The following CXCL13 variants were observed in gnomAD, a reference collection of about 807,000 sequenced individuals.
CXCL13 encodes the protein C-X-C motif chemokine ligand 13.
In CXCL13, 7 loss-of-function variants were observed where a neutral mutation model predicts 12.2. That is an observed-to-expected ratio of 0.57 (90% CI 0.33 to 1.07). The LOEUF is 1.07. CXCL13 is among the 50% of genes least tolerant of loss of function. The pLI is 0.04. For synonymous variants in CXCL13, 47 were observed against 42.4 expected, an observed-to-expected ratio of 1.11 and a Z score of -0.42; for missense variants, 113 against 127.4, an observed-to-expected ratio of 0.89 and a Z score of 0.55.
At position 77,559,037 on chromosome 4, in the gene CXCL13, A is replaced by G. The variant is rs187467068; in HGVS notation, c.-42-46787A>G. ...TATTTCTCCAATGTCAGATATCAGC[A>G]TTTTCTTCCACCAGTATACCATCCA... is the stretch of plus-strand genomic sequence containing the variant. On this transcript the variant is annotated intron_variant, in intron 1 of 4. Transcript: ENST00000286758. Among the ~76,000 whole-genome samples, 268 of 152,278 alleles carry G rather than the reference A, an allele frequency of 1.8e-3. 2 individuals are homozygous for G. The highest frequency in any genetic ancestry group is 6.1e-3 in the African/African-American group (254 of 41,566).
At chr4:77,513,168 A>G (rs2110075994) in intron 1 of CXCL13, among the ~76,000 whole-genome samples, 1 of 151,838 alleles carries the variant, frequency 6.6e-6, no homozygotes, top group African/African-American at 2.4e-5. Flanking sequence ...TATGTGCCAC[A>G]TTTTCTTAAT....
chr4:77,521,438 G>T (rs1006956387), intron 1 of CXCL13, among the ~76,000 whole-genome samples: 2 of 152,102 alleles, frequency 1.3e-5, no homozygotes, highest in Non-Finnish European at 2.9e-5. Context: ...TCCTGGTTTA[G>T]TCTTGGGAGG....
intron 1 of CXCL13, among the ~76,000 whole-genome samples, chr4:77,598,121 G>A (rs1408946253): frequency 6.6e-6 from 1 of 152,216 alleles, no homozygotes; most frequent in Non-Finnish European, 1.5e-5. Flanking sequence ...GACCAGGCTT[G>A]CCTGTCTTGA....
In CXCL13 at chr4:77,549,753, G is replaced by A. The variant is rs929772874; in HGVS notation, c.-43+37965G>A. The stretch of plus-strand genomic sequence containing the variant: ...ACCCAGCTGTATGAGGTGTCAGTCA[G>A]TCCCTACTGGGAGATGTCTCCCAGT... On this transcript the variant is annotated intron_variant, in intron 1 of 4. Transcript: ENST00000286758. Among the ~76,000 whole-genome samples the A allele has an allele frequency of 4.6e-5, 7 of 152,202 alleles. No individual in the cohort carries two copies. The East Asian group carries it at 5.8e-4, about 13-fold the overall frequency.
intron 3 of CXCL13, 87 bp from the exon 4 acceptor site, chr4:77,610,901 A>G: frequency 8.4e-7 from 1 of 1,195,058 alleles, no homozygotes; most frequent in Non-Finnish European, 1.2e-6. Flanking sequence ...TATACATAAG[A>G]GTCCTTGCCC....
At chr4:77,588,390 G>C (rs1248696789) in intron 1 of CXCL13, among the ~76,000 whole-genome samples, 1 of 152,164 alleles carries the variant, frequency 6.6e-6, no homozygotes, top group Non-Finnish European at 1.5e-5. Context: ...CTGACCCCCA[G>C]GGATTCAGGT....
chr4:77,551,441 A>G (rs183795570), intron 1 of CXCL13, among the ~76,000 whole-genome samples: 124 of 152,332 alleles, frequency 8.1e-4, no homozygotes, highest in African/African-American at 2.8e-3. Context: ...AATCCTGAAA[A>G]TAGGCCACCA....
At chr4:77,552,791 A>G (rs1052712093) in intron 1 of CXCL13, among the ~76,000 whole-genome samples, 1 of 152,250 alleles carries the variant, frequency 6.6e-6, no homozygotes, top group Non-Finnish European at 1.5e-5. Context: ...AACAGAGTGC[A>G]TGCTGCAGGT....
chr4:77,581,455 T>TC (rs1197022413), intron 1 of CXCL13, among the ~76,000 whole-genome samples: 2 of 152,196 alleles, frequency 1.3e-5, no homozygotes, highest in Non-Finnish European at 2.9e-5. Context: ...ATCTCTGGTA[T>TC]CAATGGCTCT....
chr4:77,558,055 T>C (rs79469145), intron 1 of CXCL13, among the ~76,000 whole-genome samples: 7,959 of 152,246 alleles, frequency 0.052, 650 homozygotes, highest in African/African-American at 0.18. Flanking sequence ...CCCAAACTGC[T>C]AAATTCTCTT....
In CXCL13 at chr4:77,558,341, G is replaced by T. The variant is rs151069583; in HGVS notation, c.-43+46553G>T. 1.6e-4 allele frequency among the ~76,000 whole-genome samples: 25 copies of T among 152,262 alleles called. No individual in the cohort carries two copies. In the East Asian group the frequency reaches 4.8e-3, roughly 29 times the overall value. ...AAGGGGAGAGGGCTAACCCTTACTA[G>T]GGAGGAGTGAACTACTTCTAATTTT... On this transcript the variant is annotated intron_variant, in intron 1 of 4. Coordinates refer to the CXCL13 transcript ENST00000286758.
In CXCL13 at chr4:77,611,298, T is replaced by A; in HGVS notation, c.*259T>A. 2.5e-6 allele frequency: 1 copy of A among 397,130 alleles called. No individual in the cohort carries two copies. Among genetic ancestry groups the A allele is most frequent in the East Asian group, 3.7e-5 (1 of 27,188 alleles). 24.6% of individuals were successfully genotyped at this position (397,130 alleles called of 1,614,324 possible). On this transcript the variant is annotated 3_prime_UTR_variant, in exon 4 of 4. Coordinates refer to ENST00000682537, the MANE Select transcript of CXCL13 (RefSeq NM_001371558.1). The stretch of plus-strand genomic sequence containing the variant: ...TTGAAAATAGTTATTCAGTTATAAG[T>A]AATACAGGATTATTTTGATTATATA...
chr4:77,560,477 C>CT (rs1725779864), intron 1 of CXCL13, among the ~76,000 whole-genome samples: 1 of 152,214 alleles, frequency 6.6e-6, no homozygotes, highest in Non-Finnish European at 1.5e-5. Context: ...TGAGGTACAA[C>CT]TTATAGAATC....
At chr4:77,545,129 A>G (rs903913405) in intron 1 of CXCL13, among the ~76,000 whole-genome samples, 1 of 152,064 alleles carries the variant, frequency 6.6e-6, no homozygotes, top group Non-Finnish European at 1.5e-5. Context: ...TAATAGTACT[A>G]TGCTGTTTTG....
At chr4:77,517,601 T>G (rs1435306747) in intron 1 of CXCL13, among the ~76,000 whole-genome samples, 1 of 152,226 alleles carries the variant, frequency 6.6e-6, no homozygotes, top group Non-Finnish European at 1.5e-5. Context: ...TGGTTTAAAG[T>G]CTGTTTTACC....
intron 1 of CXCL13, among the ~76,000 whole-genome samples, chr4:77,512,170 A>C (rs1724293643): frequency 6.6e-6 from 1 of 152,224 alleles, no homozygotes; most frequent in Admixed American, 6.5e-5. Flanking sequence ...CAGGGAAACT[A>C]ATTAGCCTGC....
chr4:77,532,287 A>G (rs960136604), intron 1 of CXCL13, among the ~76,000 whole-genome samples: 1 of 152,100 alleles, frequency 6.6e-6, no homozygotes, highest in Non-Finnish European at 1.5e-5. Flanking sequence ...AAAGTATTTT[A>G]TTTCTCCTTC....
At chr4:77,531,411 C>G (rs978846061) in intron 1 of CXCL13, among the ~76,000 whole-genome samples, 2 of 151,178 alleles carry the variant, frequency 1.3e-5, no homozygotes, top group African/African-American at 2.4e-5. Flanking sequence ...GTCTGAGAGA[C>G]AGTTTGTTAT....
intron 1 of CXCL13, among the ~76,000 whole-genome samples, chr4:77,550,693 G>A (rs1057410520): frequency 6.6e-6 from 1 of 152,178 alleles, no homozygotes; most frequent in Non-Finnish European, 1.5e-5. Flanking sequence ...TTGATGATTT[G>A]TCTGATGCTG....
Sources: allele counts gnomAD v4.1 joint callset (sites outside exome capture counted in the v4.1 genomes callset), GRCh38; gene constraint gnomAD v4.1.1; transcripts MANE v1.5; gene names NCBI Gene and HGNC (gene_info 2026-07-23, HGNC 2026-07-21).